RNF126: variants seen among roughly 807,000 people sequenced by gnomAD.
RNF126 encodes E3 ubiquitin-protein ligase RNF126.
RNF126 carries 20 observed loss-of-function variants against 41.9 expected under a neutral mutation model. The observed-to-expected ratio is 0.48, with a 90% CI of 0.34 to 0.69. RNF126 has a LOEUF of 0.69. Among genes scored for constraint, RNF126 ranks in the 30% least tolerant of loss-of-function variants. The probability of loss-of-function intolerance (pLI) is 0.01; values close to 1 mark genes in which losing one functional copy is unlikely to be tolerated. For synonymous variants in RNF126, 239 were observed against 202.9 expected, an observed-to-expected ratio of 1.18 and a Z score of -1.51; for missense variants, 433 against 460.6, an observed-to-expected ratio of 0.94 and a Z score of 0.55.
chr19:648,049 C>A lies in RNF126; in HGVS notation c.*79G>T. The A allele has an allele frequency of 3.5e-6, 5 of 1,433,738 alleles. No individual in the cohort carries two copies. Among genetic ancestry groups the A allele is most frequent in the Non-Finnish European group, 3.7e-6 (4 of 1,086,630 alleles). The allele number at this position is 1,433,738 out of a possible 1,614,324, so 88.8% of individuals were successfully genotyped here. On this transcript the variant is annotated 3_prime_UTR_variant, in exon 9 of 9. Coordinates refer to ENST00000292363, the MANE Select transcript of RNF126 (RefSeq NM_194460.3). ...AGCCAAGCGTGGCGCCGCCGGGGCA[C>A]CCAGTCTGTGGGTGCCGTGTGGCGC... is the stretch of plus-strand genomic sequence containing the variant.
chr19:658,973 G>A (rs532710728), intron 1 of RNF126, among the ~76,000 whole-genome samples: 1 of 152,292 alleles, frequency 6.6e-6, no homozygotes, highest in Non-Finnish European at 1.5e-5. Flanking sequence ...AGCGCCAGCC[G>A]GCCAGAGAGG....
rs2030215184 is a variant in RNF126 at position 650,306 on chromosome 19, A to G, written c.444-10T>C. ...GAGCTGCTGGATGATCCTGGAAAAG[A>G]GAGCGCCAGTCACGGGGTGAGGCCG... On this transcript the variant is annotated splice_polypyrimidine_tract_variant and intron_variant, in intron 4 of 8. Coordinates refer to ENST00000292363, the MANE Select transcript of RNF126 (RefSeq NM_194460.3). 1.9e-6 allele frequency: 3 copies of G among 1,574,242 alleles called. No homozygotes were observed. Among genetic ancestry groups the G allele is most frequent in the Non-Finnish European group, 2.6e-6 (3 of 1,160,510 alleles).
chr19:660,373 G>A (rs1286361398), intron 1 of RNF126, among the ~76,000 whole-genome samples: 1 of 152,242 alleles, frequency 6.6e-6, no homozygotes, highest in East Asian at 1.9e-4. Flanking sequence ...AGCTGCCTGG[G>A]AGAAGCCCTC....
At chr19:653,434 C>T (rs1170735799) in intron 1 of RNF126, among the ~76,000 whole-genome samples, 1 of 152,230 alleles carries the variant, frequency 6.6e-6, no homozygotes, top group Non-Finnish European at 1.5e-5. Flanking sequence ...AGGACCCTGC[C>T]CAGGGACAGC....
At position 661,123 on chromosome 19, in the gene RNF126, C is replaced by T. The variant is rs543887377; in HGVS notation, c.75+1924G>A. ...TCCTTTCACTACAGGAAGGCCCTCC[C>T]CAGGCCCAGTGACAGTCGGAGGAGG... On this transcript the variant is annotated intron_variant, in intron 1 of 8. Transcript: ENST00000292363. 2.0e-5 allele frequency among the ~76,000 whole-genome samples: 3 copies of T among 152,378 alleles called. No homozygotes were observed. The East Asian group carries it at 5.8e-4, about 29-fold the overall frequency.
At chr19:657,394 C>G (rs971814766) in intron 1 of RNF126, among the ~76,000 whole-genome samples, 1 of 152,234 alleles carries the variant, frequency 6.6e-6, no homozygotes, top group Non-Finnish European at 1.5e-5. Flanking sequence ...ACTGCCGGCT[C>G]ACGACAGCCC....
At chr19:662,378 G>A (rs1011896864) in intron 1 of RNF126, among the ~76,000 whole-genome samples, 2 of 152,198 alleles carry the variant, frequency 1.3e-5, no homozygotes, top group Non-Finnish European at 2.9e-5. Context: ...GTAAACACCT[G>A]GAGGAAGGGT....
At chr19:660,264 A>G (rs1424226626) in intron 1 of RNF126, among the ~76,000 whole-genome samples, 1 of 152,208 alleles carries the variant, frequency 6.6e-6, no homozygotes, top group African/African-American at 2.4e-5. Flanking sequence ...GCAGGTGAGG[A>G]GACTGAGGCC....
intron 1 of RNF126, among the ~76,000 whole-genome samples, chr19:660,127 C>T (rs918117513): frequency 2.6e-5 from 4 of 152,230 alleles, no homozygotes; most frequent in South Asian, 2.1e-4. Context: ...AGCCCCCGAC[C>T]GCAAGTGTGG....
At position 659,629 on chromosome 19, in the gene RNF126, C is replaced by T. The variant is rs984857857; in HGVS notation, c.75+3418G>A. 2.6e-5 allele frequency among the ~76,000 whole-genome samples: 4 copies of T among 152,208 alleles called. No homozygotes were observed. Among genetic ancestry groups the T allele is most frequent in the African/African-American group, 4.8e-5 (2 of 41,448 alleles). Reference sequence around the variant, plus strand: ...GTCACAGCTCCAGTCAGTGCCTCCTCAGCAGGCTCGAGTCTGGGTCTGCGC... The same window carrying T: ...GTCACAGCTCCAGTCAGTGCCTCCTTAGCAGGCTCGAGTCTGGGTCTGCGC... On this transcript the variant is annotated intron_variant, in intron 1 of 8. Transcript: ENST00000292363. The surrounding 1 kb of genome is among the most constrained non-coding windows in gnomAD (Gnocchi z 4.9).
intron 3 of RNF126, 82 bp from the exon 4 acceptor site, chr19:651,937 G>A (rs778194051): frequency 3.7e-6 from 5 of 1,351,882 alleles, no homozygotes; most frequent in East Asian, 2.4e-5. Context: ...AGACAAAGGA[G>A]AAAGCAAGAC....
chr19:653,176 G>A (rs571609629), intron 1 of RNF126, among the ~76,000 whole-genome samples: 2 of 150,378 alleles, frequency 1.3e-5, no homozygotes, highest in Non-Finnish European at 3.0e-5. Flanking sequence ...CCTCCGACCT[G>A]CCCCACCGTG....
At chr19:662,559 G>A (rs535172859) in intron 1 of RNF126, among the ~76,000 whole-genome samples, 1 of 152,200 alleles carries the variant, frequency 6.6e-6, no homozygotes, top group East Asian at 1.9e-4. Flanking sequence ...AGGCGCCGGC[G>A]CCCCCAACCA....
chr19:658,252 C>A (rs1300069574), intron 1 of RNF126, among the ~76,000 whole-genome samples: 1 of 152,128 alleles, frequency 6.6e-6, no homozygotes, highest in African/African-American at 2.4e-5. Flanking sequence ...GGCAGGGCAG[C>A]AGAGGCCCCT....
intron 1 of RNF126, among the ~76,000 whole-genome samples, chr19:655,642 A>G (rs1171477781): frequency 1.3e-5 from 2 of 149,960 alleles, no homozygotes; most frequent in South Asian, 2.2e-4. Context: ...GGAGCCCAGA[A>G]GTCCCCCAGA....
chr19:653,057 C>G (rs947880325), intron 1 of RNF126, among the ~76,000 whole-genome samples, 173 bp from the exon 2 acceptor site: 3 of 152,184 alleles, frequency 2.0e-5, no homozygotes, highest in Admixed American at 6.5e-5. Flanking sequence ...GGGACCTGGC[C>G]TCTGCCAGCC....
intron 1 of RNF126, among the ~76,000 whole-genome samples, chr19:654,279 C>T (rs1402367649): frequency 1.3e-5 from 2 of 152,232 alleles, no homozygotes; most frequent in African/African-American, 2.4e-5. Flanking sequence ...AGAAAAAGTG[C>T]GGCCCGGCTC....
chr19:652,653 A>C (rs952254913), intron 2 of RNF126, 173 bp downstream of exon 2: 4 of 647,380 alleles, frequency 6.2e-6, no homozygotes, highest in African/African-American at 1.8e-5. Flanking sequence ...CCCGGCCATC[A>C]CAGAAGAGAA....
chr19:657,689 G>A (rs1750713965), intron 1 of RNF126, among the ~76,000 whole-genome samples: 1 of 152,194 alleles, frequency 6.6e-6, no homozygotes, highest in Non-Finnish European at 1.5e-5. Flanking sequence ...GGACGCCAAG[G>A]GCTGCGACCC....
Sources: gnomAD v4.1 joint callset for allele counts (sites outside exome capture counted in the v4.1 genomes callset) on GRCh38, gnomAD v4.1.1 for gene constraint, Gnocchi (gnomAD v3.1) non-coding constraint, MANE v1.5 for transcripts, NCBI Gene and HGNC (gene_info 2026-07-23, HGNC 2026-07-21) for gene names.